GABRB3: variants seen among roughly 807,000 people sequenced by gnomAD.
GABRB3 encodes gamma-aminobutyric acid type A receptor subunit beta3, also known as gamma-aminobutyric acid receptor subunit beta-3.
GABRB3 carries 14 observed loss-of-function variants against 52.1 expected under a neutral mutation model. The ratio of observed to expected loss-of-function variants is 0.27; its 90% CI spans 0.18 to 0.42. GABRB3 has a LOEUF of 0.42. GABRB3 is among the 10% of genes least tolerant of loss of function. The probability of loss-of-function intolerance (pLI) is 1.00; values close to 1 mark genes in which losing one functional copy is unlikely to be tolerated. For missense variants in GABRB3, 307 were observed against 609.1 expected (o/e 0.50, Z 5.22); for synonymous variants, 260 against 232.3 (o/e 1.12, Z -1.08).
chr15:26,677,258 T>C (rs2140641397), intron 3 of GABRB3, among the ~76,000 whole-genome samples: 1 of 152,372 alleles, frequency 6.6e-6, no homozygotes, highest in South Asian at 2.1e-4. Flanking sequence ...GGTGCCCCAA[T>C]TCCCAGTTAG....
intron 3 of GABRB3, among the ~76,000 whole-genome samples, chr15:26,645,215 TG>T (rs1254708497): frequency 6.6e-6 from 1 of 152,136 alleles, no homozygotes; most frequent in Non-Finnish European, 1.5e-5. Flanking sequence ...CACTACAGCC[TG>T]GGCGACGGAG....
At chr15:26,580,810 A>C in intron 5 of GABRB3, 1 of 374,160 alleles carries the variant, frequency 2.7e-6, no homozygotes. Context: ...TAAGAGAATG[A>C]GAATTGAAGT....
intron 4 of GABRB3, among the ~76,000 whole-genome samples, chr15:26,585,502 T>C (rs896041256): frequency 1.4e-5 from 2 of 144,546 alleles, no homozygotes; most frequent in Non-Finnish European, 3.0e-5. Context: ...TGATAAAGTA[T>C]GTCCTTCCAT....
At chr15:26,654,648 C>T (rs1887309514) in intron 3 of GABRB3, among the ~76,000 whole-genome samples, 2 of 152,078 alleles carry the variant, frequency 1.3e-5, no homozygotes, top group Non-Finnish European at 2.9e-5. Flanking sequence ...GTAGTCCCCA[C>T]TCCTGGGTAG....
At chr15:26,631,989 G>A (rs1892924326) in intron 3 of GABRB3, among the ~76,000 whole-genome samples, 1 of 152,194 alleles carries the variant, frequency 6.6e-6, no homozygotes, top group Non-Finnish European at 1.5e-5. Context: ...TGGGGAGAAA[G>A]AAAGATGGAT....
intron 3 of GABRB3, among the ~76,000 whole-genome samples, chr15:26,645,957 A>C (rs1428075857): frequency 6.6e-6 from 1 of 152,034 alleles, no homozygotes; most frequent in East Asian, 1.9e-4. Context: ...AATTTTAATA[A>C]ATTTTTGCAA....
At chr15:26,590,286 G>A (rs933122603) in intron 4 of GABRB3, 3 of 152,150 alleles carry the variant, frequency 2.0e-5, no homozygotes, top group Non-Finnish European at 4.4e-5. Context: ...CAAGTTAGTA[G>A]CTCCTTTGGT....
intron 3 of GABRB3, among the ~76,000 whole-genome samples, chr15:26,760,095 G>T (rs779619667): frequency 3.3e-5 from 5 of 152,186 alleles, no homozygotes; most frequent in Non-Finnish European, 5.9e-5. Flanking sequence ...TGAAGAAAGA[G>T]TTTTCGGGTT....
chr15:26,670,669 A>G (rs1218349975), intron 3 of GABRB3, among the ~76,000 whole-genome samples: 2 of 152,190 alleles, frequency 1.3e-5, no homozygotes, highest in African/African-American at 4.8e-5. Flanking sequence ...TGGGAGGATG[A>G]TACTACTGAC....
chr15:26,549,681 C>T (rs897160458), intron 8 of GABRB3, among the ~76,000 whole-genome samples: 4 of 152,078 alleles, frequency 2.6e-5, no homozygotes, highest in African/African-American at 9.7e-5. Context: ...CCTAAGTGCT[C>T]AGACTGAAGA....
chr15:26,569,701 T>G (rs1459043049), intron 6 of GABRB3, among the ~76,000 whole-genome samples: 1 of 152,230 alleles, frequency 6.6e-6, no homozygotes, highest in Non-Finnish European at 1.5e-5. Context: ...TATTGTCAAA[T>G]TACTTTGCAA....
At chr15:26,595,947 A>G (rs1381615194) in intron 4 of GABRB3, among the ~76,000 whole-genome samples, 2 of 152,132 alleles carry the variant, frequency 1.3e-5, no homozygotes, top group Non-Finnish European at 2.9e-5. Context: ...GCTGCCTGAG[A>G]CAAAGACATG....
chr15:26,687,524 C>T (rs1359797621), intron 3 of GABRB3, among the ~76,000 whole-genome samples: 1 of 152,034 alleles, frequency 6.6e-6, no homozygotes, highest in East Asian at 1.9e-4. Context: ...TCTCCCATCC[C>T]CTCCCTTCTC....
At chr15:26,578,096 C>A (rs1475910212) in intron 6 of GABRB3, among the ~76,000 whole-genome samples, 4 of 152,176 alleles carry the variant, frequency 2.6e-5, no homozygotes. Context: ...CTCTAATCCC[C>A]TTTTTCGGGA....
intron 3 of GABRB3, among the ~76,000 whole-genome samples, chr15:26,655,997 A>T (rs1738710307): frequency 6.6e-6 from 1 of 152,114 alleles, no homozygotes; most frequent in South Asian, 2.1e-4. Context: ...CCTCTGACTA[A>T]CGTATTTTGG....
rs191827127 is a variant in GABRB3 at position 26,608,610 on chromosome 15, A to G, written c.461+12704T>C. Among the ~76,000 whole-genome samples, 284 of 152,146 alleles carry G rather than the reference A, an allele frequency of 1.9e-3. 6 individuals carry two copies. In the East Asian group the frequency reaches 0.037, roughly 20 times the overall value. On this transcript the variant is annotated intron_variant, in intron 4 of 8. Coordinates refer to ENST00000311550, the MANE Select transcript of GABRB3 (RefSeq NM_000814.6). ...AACAACTCAACAGCAAGAAAACAAA[A>G]AAAAGCTCAATTTAAAAAATGGAGA...
chr15:26,638,879 A>G (rs1281646090), intron 3 of GABRB3, among the ~76,000 whole-genome samples: 1 of 152,200 alleles, frequency 6.6e-6, no homozygotes, highest in Non-Finnish European at 1.5e-5. Flanking sequence ...AGCCACTGGC[A>G]GAGGAACAAC....
intron 3 of GABRB3, among the ~76,000 whole-genome samples, chr15:26,698,866 C>A (rs1371198438): frequency 2.0e-5 from 3 of 152,174 alleles, no homozygotes; most frequent in African/African-American, 7.2e-5. Flanking sequence ...TATAGTAAAT[C>A]TAATTCATCA....
intron 3 of GABRB3, among the ~76,000 whole-genome samples, chr15:26,701,104 T>C (rs28713599): frequency 1.3e-5 from 2 of 151,792 alleles, no homozygotes; most frequent in Non-Finnish European, 2.9e-5. Context: ...GAAGAGGACT[T>C]TCTCAACTTG....
Sources: gnomAD v4.1 joint callset for allele counts (sites outside exome capture counted in the v4.1 genomes callset) on GRCh38, gnomAD v4.1.1 for gene constraint, MANE v1.5 for transcripts, NCBI Gene and HGNC (gene_info 2026-07-23, HGNC 2026-07-21) for gene names.